CADPS2: variants seen among roughly 807,000 people sequenced by gnomAD.
The protein encoded by CADPS2 is calcium dependent secretion activator 2, also known as calcium-dependent secretion activator 2.
In CADPS2, 93 loss-of-function variants were observed where a neutral mutation model predicts 172.5. The ratio of observed to expected loss-of-function variants is 0.54; its 90% CI spans 0.46 to 0.64. The LOEUF (loss-of-function observed/expected upper bound fraction) is 0.64, where lower values mean the gene tolerates loss of function less well. Among genes scored for constraint, CADPS2 ranks in the 30% least tolerant of loss-of-function variants. The probability of loss-of-function intolerance (pLI) is 0.00; values close to 1 mark genes in which losing one functional copy is unlikely to be tolerated. For missense variants in CADPS2, 1,420 were observed against 1,565.9 expected (o/e 0.91, Z 1.57); for synonymous variants, 546 against 555.2 (o/e 0.98, Z 0.23).
chr7:122,689,884 C>T (rs1033182891), intron 2 of CADPS2, among the ~76,000 whole-genome samples: 3 of 152,164 alleles, frequency 2.0e-5, no homozygotes, highest in Admixed American at 1.3e-4. Context: ...ACAGCTCCAT[C>T]CATCATGGAC....
intron 11 of CADPS2, among the ~76,000 whole-genome samples, chr7:122,485,900 A>C (rs2057765184): frequency 6.6e-6 from 1 of 152,150 alleles, no homozygotes; most frequent in South Asian, 2.1e-4. Context: ...GAGCCCTTAA[A>C]AACTATGCTA....
intron 1 of CADPS2, among the ~76,000 whole-genome samples, chr7:122,809,956 A>G (rs1357190922): frequency 6.6e-6 from 1 of 152,166 alleles, no homozygotes; most frequent in East Asian, 1.9e-4. Flanking sequence ...ACACACATAT[A>G]CACATATGCA....
intron 1 of CADPS2, among the ~76,000 whole-genome samples, chr7:122,872,235 A>G (rs1819944334): frequency 6.6e-6 from 1 of 152,126 alleles, no homozygotes; most frequent in Admixed American, 6.6e-5. Context: ...TAGGACTCTA[A>G]GATATGGTGA....
intron 4 of CADPS2, among the ~76,000 whole-genome samples, chr7:122,623,093 A>G (rs536699496): frequency 1.8e-4 from 27 of 152,308 alleles, no homozygotes; most frequent in South Asian, 4.1e-4. Context: ...TATCTACATT[A>G]AAAATTAACT....
At chr7:122,580,862 C>G (rs1321363797) in intron 7 of CADPS2, among the ~76,000 whole-genome samples, 1 of 152,056 alleles carries the variant, frequency 6.6e-6, no homozygotes, top group African/African-American at 2.4e-5. Flanking sequence ...ATGAGAATTA[C>G]CCTTCACCAA....
At chr7:122,753,974 T>C (rs577044086) in intron 1 of CADPS2, among the ~76,000 whole-genome samples, 1 of 152,280 alleles carries the variant, frequency 6.6e-6, no homozygotes, top group Middle Eastern at 3.4e-3. Context: ...CCATAAACCT[T>C]CTTAATTTTC....
At chr7:122,624,375 A>C (rs535631003) in intron 4 of CADPS2, among the ~76,000 whole-genome samples, 1 of 152,278 alleles carries the variant, frequency 6.6e-6, no homozygotes, top group South Asian at 2.1e-4. Flanking sequence ...TTCTTTAAAA[A>C]GTTTTTCTCA....
intron 1 of CADPS2, among the ~76,000 whole-genome samples, chr7:122,816,104 C>T (rs535346660): frequency 1.3e-5 from 2 of 152,138 alleles, no homozygotes; most frequent in Admixed American, 6.5e-5. Flanking sequence ...TGCTACTGAA[C>T]ATTAGATCTT....
In CADPS2 at chr7:122,320,116, A is replaced by T; in HGVS notation, c.*49T>A. ...TACAAGGACAAGGTTAAAAAAATAAAAAACAATGTCGATCAAGGTCTTCCT... is the reference window on the plus strand; with the variant it reads ...TACAAGGACAAGGTTAAAAAAATAATAAACAATGTCGATCAAGGTCTTCCT... On this transcript the variant is annotated 3_prime_UTR_variant, in exon 30 of 30. Coordinates refer to ENST00000449022, the MANE Select transcript of CADPS2 (RefSeq NM_017954.11). 2 of 1,413,158 alleles carry T rather than the reference A, an allele frequency of 1.4e-6. No homozygotes were observed. The highest frequency in any genetic ancestry group is 1.9e-6 in the Non-Finnish European group (2 of 1,073,148). 87.5% of individuals were successfully genotyped at this position (1,413,158 alleles called of 1,614,324 possible).
intron 3 of CADPS2, among the ~76,000 whole-genome samples, chr7:122,661,507 A>G (rs1303789282): frequency 6.6e-6 from 1 of 152,166 alleles, no homozygotes; most frequent in African/African-American, 2.4e-5. Context: ...GAGGTCTTAT[A>G]ATATCTTTGT....
At chr7:122,685,108 C>G (rs6969943) in intron 2 of CADPS2, among the ~76,000 whole-genome samples, 7,400 of 151,972 alleles carry the variant, frequency 0.049, 603 homozygotes, top group African/African-American at 0.17. Context: ...GCTTTTTAAT[C>G]CCAGAATCTG....
chr7:122,645,309 ATGTG>A (rs1242602402), intron 3 of CADPS2, among the ~76,000 whole-genome samples: 1 of 123,948 alleles, frequency 8.1e-6, no homozygotes, highest in African/African-American at 3.0e-5. Context: ...ACATATGTAC[ATGTG>A]TGTATACATG....
chr7:122,756,435 T>G (rs1473920530), intron 1 of CADPS2, among the ~76,000 whole-genome samples: 3 of 152,176 alleles, frequency 2.0e-5, no homozygotes, highest in Non-Finnish European at 4.4e-5. Flanking sequence ...CAACCACATT[T>G]CTTAGGAAAG....
intron 5 of CADPS2, among the ~76,000 whole-genome samples, chr7:122,620,873 G>C (rs553474236): frequency 6.6e-6 from 1 of 151,918 alleles, no homozygotes; most frequent in African/African-American, 2.4e-5. Context: ...TTCTACCCAC[G>C]TGCGTTTTGA....
At chr7:122,772,234 GAATC>G (rs1239092019) in intron 1 of CADPS2, among the ~76,000 whole-genome samples, 1 of 152,134 alleles carries the variant, frequency 6.6e-6, no homozygotes, top group Non-Finnish European at 1.5e-5. Flanking sequence ...GATTAAAAGT[GAATC>G]AATTATATTA....
At chr7:122,536,462 G>A (rs2131452471) in intron 8 of CADPS2, among the ~76,000 whole-genome samples, 1 of 152,098 alleles carries the variant, frequency 6.6e-6, no homozygotes, top group South Asian at 2.1e-4. Flanking sequence ...AAAAGATCAA[G>A]GTTACTTCCT....
At chr7:122,612,626 C>A (rs1356660657) in intron 6 of CADPS2, among the ~76,000 whole-genome samples, 1 of 151,998 alleles carries the variant, frequency 6.6e-6, no homozygotes, top group East Asian at 1.9e-4. Flanking sequence ...AATTGACCTA[C>A]AGTTACAACA....
intron 8 of CADPS2, among the ~76,000 whole-genome samples, chr7:122,521,830 C>T (rs1246105627): frequency 6.6e-6 from 1 of 152,110 alleles, no homozygotes; most frequent in Admixed American, 6.5e-5. Context: ...ATAGAATTGT[C>T]CCTCTTCCTT....
intron 1 of CADPS2, among the ~76,000 whole-genome samples, chr7:122,766,775 T>A (rs914946823): frequency 6.6e-6 from 1 of 152,150 alleles, no homozygotes; most frequent in Admixed American, 6.6e-5. Context: ...CATGACATCA[T>A]AGCTGACAAG....
Sources: allele counts gnomAD v4.1 joint callset (sites outside exome capture counted in the v4.1 genomes callset), GRCh38; gene constraint gnomAD v4.1.1; transcripts MANE v1.5; gene names NCBI Gene and HGNC (gene_info 2026-07-23, HGNC 2026-07-21).